Variants in ANO3 observed in about 807,000 individuals in gnomAD.
ANO3 encodes anoctamin 3, also known as anoctamin-3.
A neutral mutation model predicts 144.8 loss-of-function variants in ANO3; 99 were observed. That is an observed-to-expected ratio of 0.68 (90% CI 0.58 to 0.81). The LOEUF is 0.81. Ranked by LOEUF, ANO3 falls within the 30% of genes least tolerant of loss-of-function variation. The pLI is 0.00. For missense variants in ANO3, 905 were observed against 1,202.2 expected (o/e 0.75, Z 3.66); for synonymous variants, 414 against 392.6 (o/e 1.05, Z -0.64).
intron 15 of ANO3, 108 bp downstream of exon 15, chr11:26,598,555 C>T: frequency 1.4e-6 from 1 of 736,560 alleles, no homozygotes; most frequent in Non-Finnish European, 2.2e-6. Flanking sequence ...TTAGATTTTT[C>T]CCTTGATCTT....
intron 3 of ANO3, among the ~76,000 whole-genome samples, chr11:26,454,862 A>C (rs1026478236): frequency 2.0e-5 from 3 of 151,160 alleles, no homozygotes; most frequent in Non-Finnish European, 4.4e-5. Context: ...GCACATCAAA[A>C]AGCTTATCCA....
intron 1 of ANO3, among the ~76,000 whole-genome samples, chr11:26,324,065 G>C (rs2133881582): frequency 1.3e-5 from 2 of 152,290 alleles, no homozygotes; most frequent in Middle Eastern, 6.8e-3. Context: ...GAGCTTGGTA[G>C]ATAAGAAAAG....
At chr11:26,533,253 CT>C (rs1356190370) in intron 8 of ANO3, among the ~76,000 whole-genome samples, 1 of 151,962 alleles carries the variant, frequency 6.6e-6, no homozygotes, top group Non-Finnish European at 1.5e-5. Flanking sequence ...GGAAATAGCT[CT>C]TTTTGTCGGG....
At chr11:26,302,123 A>G (rs1405688983) in intron 1 of ANO3, among the ~76,000 whole-genome samples, 1 of 152,160 alleles carries the variant, frequency 6.6e-6, no homozygotes, top group Non-Finnish European at 1.5e-5. Flanking sequence ...TTATACATAA[A>G]CTGAATTTTA....
intron 3 of ANO3, among the ~76,000 whole-genome samples, chr11:26,445,645 C>G (rs1169136699): frequency 6.6e-6 from 1 of 151,946 alleles, no homozygotes; most frequent in Non-Finnish European, 1.5e-5. Context: ...ATCACAGCTT[C>G]TGCAGTTAAA....
At chr11:26,348,254 A>G (rs1772548843) in intron 1 of ANO3, among the ~76,000 whole-genome samples, 1 of 152,208 alleles carries the variant, frequency 6.6e-6, no homozygotes, top group Admixed American at 6.5e-5. Flanking sequence ...AATTAAGCAT[A>G]ACTTATAACC....
chr11:26,515,327 TATCTCC>T (rs2134150305), intron 5 of ANO3, among the ~76,000 whole-genome samples: 1 of 102,948 alleles, frequency 9.7e-6, no homozygotes, highest in African/African-American at 3.4e-5. Flanking sequence ...CAGCATACTT[TATCTCC>T]TGCTTGGATA....
At chr11:26,578,046 G>A (rs1445174123) in intron 14 of ANO3, among the ~76,000 whole-genome samples, 5 of 152,196 alleles carry the variant, frequency 3.3e-5, no homozygotes, top group African/African-American at 7.2e-5. Flanking sequence ...GCACATGAGT[G>A]AGACCGAGTA....
chr11:26,249,970 A>C (rs533433820), intron 1 of ANO3, among the ~76,000 whole-genome samples: 1 of 152,288 alleles, frequency 6.6e-6, no homozygotes, highest in South Asian at 2.1e-4. Flanking sequence ...TAGAAGGAAT[A>C]AAGAGTACGA....
intron 1 of ANO3, among the ~76,000 whole-genome samples, chr11:26,360,130 AT>A (rs1476129519): frequency 7.1e-6 from 1 of 141,700 alleles, no homozygotes; most frequent in Non-Finnish European, 1.5e-5. Context: ...TTTCATTGAC[AT>A]TTTTTCCTTT....
chr11:26,272,305 T>C (rs568041992), intron 1 of ANO3, among the ~76,000 whole-genome samples: 4 of 152,094 alleles, frequency 2.6e-5, no homozygotes, highest in Admixed American at 2.6e-4. Context: ...TAGATTGATG[T>C]CTGCAACTGC....
chr11:26,604,863 A>G (rs1289733482), intron 17 of ANO3, among the ~76,000 whole-genome samples: 2 of 152,220 alleles, frequency 1.3e-5, no homozygotes, highest in East Asian at 3.8e-4. Context: ...ATCTGCAAAC[A>G]CAGACAATTT....
chr11:26,604,910 A>G (rs528623287), intron 17 of ANO3, among the ~76,000 whole-genome samples: 1 of 152,076 alleles, frequency 6.6e-6, no homozygotes, highest in Admixed American at 6.6e-5. Flanking sequence ...CCTTTGTTTC[A>G]TTGTTTTGCC....
At chr11:26,345,170 A>G (rs933831566) in intron 1 of ANO3, among the ~76,000 whole-genome samples, 4 of 152,156 alleles carry the variant, frequency 2.6e-5, no homozygotes, top group Non-Finnish European at 4.4e-5. Flanking sequence ...CTTCAGACCT[A>G]GTATTGACCA....
intron 4 of ANO3, among the ~76,000 whole-genome samples, chr11:26,487,208 G>A (rs934963940): frequency 7.9e-5 from 12 of 152,166 alleles, no homozygotes; most frequent in Non-Finnish European, 1.8e-4. Flanking sequence ...TTGAATCATG[G>A]GGGCCAGTCT....
chr11:26,485,962 C>A (rs1476189657), intron 4 of ANO3, among the ~76,000 whole-genome samples: 1 of 152,010 alleles, frequency 6.6e-6, no homozygotes, highest in African/African-American at 2.4e-5. Context: ...GGACTGATAT[C>A]CAGAATTTAA....
chr11:26,572,075 G>A, intron 14 of ANO3: 2 of 985,326 alleles, frequency 2.0e-6, no homozygotes, highest in South Asian at 9.4e-5. Flanking sequence ...ATCAGGAACT[G>A]AAATATCACA....
chr11:26,642,643 A>G (rs6416050), intron 22 of ANO3, among the ~76,000 whole-genome samples: 129,620 of 151,992 alleles, frequency 0.85, 55,992 homozygotes, highest in Non-Finnish European at 0.93. Context: ...GAGCCACCGC[A>G]CCTGGCCAGC....
chr11:26,583,468 T>G (rs542782654), intron 14 of ANO3, among the ~76,000 whole-genome samples: 1 of 152,332 alleles, frequency 6.6e-6, no homozygotes, highest in South Asian at 2.1e-4. Context: ...TTCCAGATAT[T>G]GCGCTGTGTC....
Sources: allele counts gnomAD v4.1 joint callset (sites outside exome capture counted in the v4.1 genomes callset), GRCh38; gene constraint gnomAD v4.1.1; transcripts MANE v1.5; gene names NCBI Gene and HGNC (gene_info 2026-07-23, HGNC 2026-07-21).